NKAIN1: variants seen among roughly 807,000 people sequenced by gnomAD.
NKAIN1 encodes sodium/potassium transporting ATPase interacting 1.
Under a neutral mutation model 31.6 loss-of-function variants are expected in NKAIN1, and 13 were observed. That is an observed-to-expected ratio of 0.41 (90% CI 0.27 to 0.65). The LOEUF (loss-of-function observed/expected upper bound fraction) is 0.65, where lower values mean the gene tolerates loss of function less well. Among genes scored for constraint, NKAIN1 ranks in the 30% least tolerant of loss-of-function variants. NKAIN1 has a pLI of 0.30. For missense variants in NKAIN1, 193 were observed against 262.2 expected, an observed-to-expected ratio of 0.74 and a Z score of 1.82; for synonymous variants, 104 against 109.0, an observed-to-expected ratio of 0.95 and a Z score of 0.28.
chr1:31,231,158 A>C (rs1370289323), intron 1 of NKAIN1, among the ~76,000 whole-genome samples: 1 of 152,046 alleles, frequency 6.6e-6, no homozygotes, highest in Non-Finnish European at 1.5e-5. Context: ...TGCTGGGATT[A>C]CAGGTGTAAG....
chr1:31,222,899 C>T (rs936050582), intron 1 of NKAIN1, among the ~76,000 whole-genome samples: 2 of 152,154 alleles, frequency 1.3e-5, no homozygotes, highest in African/African-American at 4.8e-5. Context: ...ATAATAGTGT[C>T]TACCTCTTAG....
At chr1:31,204,499 C>T (rs4949358) in intron 1 of NKAIN1, among the ~76,000 whole-genome samples, 107,922 of 151,870 alleles carry the variant, frequency 0.71, 39,676 homozygotes, top group Middle Eastern at 0.9. Context: ...CTCCCAGATG[C>T]CGGGACCCCG....
At chr1:31,209,285 G>A (rs751215507) in intron 1 of NKAIN1, among the ~76,000 whole-genome samples, 1 of 152,064 alleles carries the variant, frequency 6.6e-6, no homozygotes, top group East Asian at 1.9e-4. Context: ...TGAGGCAAGA[G>A]AATCACTTGA....
intron 1 of NKAIN1, among the ~76,000 whole-genome samples, chr1:31,235,202 T>G (rs1185734066): frequency 6.6e-6 from 1 of 151,988 alleles, no homozygotes; most frequent in Non-Finnish European, 1.5e-5. Context: ...TCTCACTGGT[T>G]CATCCCCTTC....
rs56776005 is a variant in NKAIN1 at position 31,231,721 on chromosome 1, A to T, written c.54+7773T>A. Among the ~76,000 whole-genome samples, 2 of 150,476 alleles carry T rather than the reference A, an allele frequency of 1.3e-5. 1 individual carries two copies. Among genetic ancestry groups the T allele is most frequent in the South Asian group, 4.2e-4 (2 of 4,756 alleles). ...AATTTTTTGTATTTTTAGTAGAGACAGGGTTTCACAGTGTTAGCCAGGATG... is the reference window on the plus strand; with the variant it reads ...AATTTTTTGTATTTTTAGTAGAGACTGGGTTTCACAGTGTTAGCCAGGATG... On this transcript the variant is annotated intron_variant, in intron 1 of 6. Transcript: ENST00000373736.
intron 1 of NKAIN1, among the ~76,000 whole-genome samples, chr1:31,232,424 T>TATATAGAGAGAG (rs1313157898): frequency 1.2e-4 from 2 of 16,922 alleles, no homozygotes; most frequent in African/African-American, 1.7e-4. Context: ...TATATATATA[T>TATATAGAGAGAG]AGAGAGAGAG....
intron 1 of NKAIN1, among the ~76,000 whole-genome samples, chr1:31,190,388 T>C (rs1283793612): frequency 6.6e-6 from 1 of 152,222 alleles, no homozygotes; most frequent in Non-Finnish European, 1.5e-5. Flanking sequence ...GGATGCTCCT[T>C]GGCAGAAAGG....
At chr1:31,190,242 C>G (rs1433291399) in intron 1 of NKAIN1, among the ~76,000 whole-genome samples, 1 of 152,168 alleles carries the variant, frequency 6.6e-6, no homozygotes, top group East Asian at 1.9e-4. Flanking sequence ...AAGGAAGCTG[C>G]AGGCTTGGGT....
chr1:31,235,256 A>T (rs1313203150), intron 1 of NKAIN1, among the ~76,000 whole-genome samples: 1 of 152,214 alleles, frequency 6.6e-6, no homozygotes, highest in Non-Finnish European at 1.5e-5. Flanking sequence ...AAGGAGGTGA[A>T]CAAGGAAGAG....
At chr1:31,217,926 GCAAA>G (rs1645525598) in intron 1 of NKAIN1, among the ~76,000 whole-genome samples, 2 of 151,998 alleles carry the variant, frequency 1.3e-5, no homozygotes, top group South Asian at 4.2e-4. Context: ...ACTCCATTCA[GCAAA>G]CAATCATGAT....
chr1:31,197,460 T>C lies in NKAIN1; in HGVS notation c.55-9273A>G, dbSNP rs149517890. Among the ~76,000 whole-genome samples the C allele has an allele frequency of 1.4e-3, 214 of 150,884 alleles. 2 individuals are homozygous for C. The East Asian group carries it at 0.029, about 20-fold the overall frequency. ...ATGGGGTTTCACCATGTTGGTCAGG[T>C]TGGTCTCAAACTCCTGACCTTGTGA... On this transcript the variant is annotated intron_variant, in intron 1 of 6. Transcript: ENST00000373736.
chr1:31,199,619 T>C (rs946885), intron 1 of NKAIN1, among the ~76,000 whole-genome samples: 113,822 of 151,776 alleles, frequency 0.75, 43,154 homozygotes, highest in Middle Eastern at 0.91. Context: ...TGAGGGGAGG[T>C]GCTCCTCCCT....
intron 1 of NKAIN1, among the ~76,000 whole-genome samples, chr1:31,216,718 A>AT (rs1037522813): frequency 2.6e-5 from 4 of 151,172 alleles, no homozygotes; most frequent in African/African-American, 9.7e-5. Flanking sequence ...TTATTTATTT[A>AT]TTTATTTATT....
At chr1:31,202,489 A>G (rs1379527479) in intron 1 of NKAIN1, among the ~76,000 whole-genome samples, 1 of 151,264 alleles carries the variant, frequency 6.6e-6, no homozygotes, top group African/African-American at 2.4e-5. Context: ...CATCCTGGCT[A>G]ACACGGTGAA....
chr1:31,203,641 G>T (rs1184356551), intron 1 of NKAIN1, among the ~76,000 whole-genome samples: 1 of 147,308 alleles, frequency 6.8e-6, no homozygotes, highest in Non-Finnish European at 1.5e-5. Flanking sequence ...CTGGAGTGCA[G>T]TGGCACCATC....
At chr1:31,207,473 T>A (rs1285710851) in intron 1 of NKAIN1, among the ~76,000 whole-genome samples, 7 of 152,214 alleles carry the variant, frequency 4.6e-5, no homozygotes, top group Non-Finnish European at 1.0e-4. Flanking sequence ...GTGTTGCTCA[T>A]ACAGAGGACT....
chr1:31,202,210 G>A (rs1342652981), intron 1 of NKAIN1, among the ~76,000 whole-genome samples: 2 of 152,164 alleles, frequency 1.3e-5, no homozygotes, highest in African/African-American at 2.4e-5. Flanking sequence ...TCCCCAGCTG[G>A]GGGGCTCTGC....
chr1:31,213,083 C>A (rs1570468594), intron 1 of NKAIN1, among the ~76,000 whole-genome samples: 1 of 140,644 alleles, frequency 7.1e-6, no homozygotes, highest in African/African-American at 2.6e-5. Flanking sequence ...TCAAAGGGTA[C>A]TATCAAGAAA....
At chr1:31,231,751 C>G (rs1056727973) in intron 1 of NKAIN1, among the ~76,000 whole-genome samples, 2 of 149,302 alleles carry the variant, frequency 1.3e-5, no homozygotes, top group Non-Finnish European at 3.0e-5. Flanking sequence ...AGGATGGTCT[C>G]GATCTCCTGA....
Sources: gnomAD v4.1 joint callset for allele counts (sites outside exome capture counted in the v4.1 genomes callset) on GRCh38, gnomAD v4.1.1 for gene constraint, MANE v1.5 for transcripts, NCBI Gene and HGNC (gene_info 2026-07-23, HGNC 2026-07-21) for gene names.